OPHN1: variants seen among roughly 807,000 people sequenced by gnomAD.
OPHN1 encodes oligophrenin-1.
In OPHN1, 11 loss-of-function variants were observed where a neutral mutation model predicts 60.7. The observed-to-expected ratio is 0.18, with a 90% CI of 0.11 to 0.30. The LOEUF (loss-of-function observed/expected upper bound fraction) is 0.30, where lower values mean the gene tolerates loss of function less well. OPHN1 is among the 10% of genes least tolerant of loss of function. The pLI is 1.00. For missense variants in OPHN1, 449 were observed against 611.0 expected, an observed-to-expected ratio of 0.73 and a Z score of 2.80; for synonymous variants, 226 against 222.6, an observed-to-expected ratio of 1.02 and a Z score of -0.14.
rs1334867405 is a variant in OPHN1 at position 68,246,689 on chromosome X, T to C, written c.385-12101A>G. On this transcript the variant is annotated intron_variant, in intron 5 of 24. Coordinates refer to ENST00000355520, the MANE Select transcript of OPHN1 (RefSeq NM_002547.3). ...AATAGGCGAAAATGGGTGCTCAAGA[T>C]ACACTTGCTAAATTAAAATATAATG... 3.6e-5 allele frequency among the ~76,000 whole-genome samples: 4 copies of C among 111,568 alleles called. No individual in the cohort carries two copies. The East Asian group carries it at 1.1e-3, about 31-fold the overall frequency.
chrX:68,398,853 G>C (rs2078698862), intron 2 of OPHN1, among the ~76,000 whole-genome samples: 1 of 110,826 alleles, frequency 9.0e-6, no homozygotes, highest in Non-Finnish European at 1.9e-5. Context: ...GGAGGCTGAG[G>C]CACGGGAATC....
At chrX:68,105,934 G>A (rs1203346545) in intron 18 of OPHN1, among the ~76,000 whole-genome samples, 1 of 110,390 alleles carries the variant, frequency 9.1e-6, no homozygotes, top group Non-Finnish European at 1.9e-5. Flanking sequence ...GGTCAAATGG[G>A]AAAAAGTTAA....
chrX:68,120,168 A>C (rs2077144775), intron 15 of OPHN1, among the ~76,000 whole-genome samples: 1 of 110,865 alleles, frequency 9.0e-6, no homozygotes, highest in African/African-American at 3.3e-5. Context: ...AGACCTCCCC[A>C]CCCATGACAC....
intron 3 of OPHN1, among the ~76,000 whole-genome samples, chrX:68,286,402 T>C (rs183321846): frequency 9.0e-6 from 1 of 111,495 alleles, no homozygotes. Flanking sequence ...GCCAGACAGT[T>C]TACAACTGTG....
intron 2 of OPHN1, among the ~76,000 whole-genome samples, chrX:68,366,067 C>T (rs1032957616): frequency 3.7e-5 from 4 of 109,108 alleles, no homozygotes; most frequent in Admixed American, 9.9e-5. Context: ...TGAGACATAA[C>T]AGAATAGTAT....
At chrX:68,081,198 C>CT (rs780827629) in intron 19 of OPHN1, among the ~76,000 whole-genome samples, 15 of 110,426 alleles carry the variant, frequency 1.4e-4, no homozygotes, top group Admixed American at 3.9e-4. Context: ...AATAATAGAA[C>CT]TTTTTTTTTC....
intron 4 of OPHN1, among the ~76,000 whole-genome samples, chrX:68,279,138 C>T: frequency 3.1e-5 from 1 of 32,307 alleles, no homozygotes; most frequent in Non-Finnish European, 5.2e-5. Context: ...TTTTTTTTGG[C>T]AGGGCCTTAC....
At chrX:68,145,074 T>C (rs1239322473) in intron 15 of OPHN1, among the ~76,000 whole-genome samples, 1 of 111,671 alleles carries the variant, frequency 9.0e-6, no homozygotes, top group Non-Finnish European at 1.9e-5. Context: ...ATGAAATAAT[T>C]AGATCTAATA....
chrX:68,158,899 A>G lies in OPHN1; in HGVS notation c.1276+34020T>C, dbSNP rs192210493. 1.3e-4 allele frequency among the ~76,000 whole-genome samples: 15 copies of G among 112,089 alleles called. No homozygotes were observed. In the Admixed American group the frequency reaches 1.4e-3, roughly 11 times the overall value. ...ACCCTAGGAAAAGTAATCTGAGAAT[A>G]CTAGGCCCCAATCAGCCCTGCTCCA... is the stretch of plus-strand genomic sequence containing the variant. On this transcript the variant is annotated intron_variant, in intron 15 of 24. Transcript: ENST00000355520.
chrX:68,242,214 C>CAAAA (rs753856136), intron 5 of OPHN1, among the ~76,000 whole-genome samples: 36 of 23,885 alleles, frequency 1.5e-3, no homozygotes, highest in African/African-American at 3.4e-3. Context: ...CCCATCTCTA[C>CAAAA]AAAAAAAAAA....
At chrX:68,146,793 T>C (rs1257709813) in intron 15 of OPHN1, among the ~76,000 whole-genome samples, 1 of 112,045 alleles carries the variant, frequency 8.9e-6, no homozygotes, top group Non-Finnish European at 1.9e-5. Flanking sequence ...TACCTCAAAC[T>C]ATCTTTGCAG....
intron 5 of OPHN1, among the ~76,000 whole-genome samples, chrX:68,255,017 GAAAA>G (rs748466618): frequency 9.1e-5 from 3 of 32,930 alleles, no homozygotes; most frequent in Non-Finnish European, 7.0e-5. Context: ...TCTGCCTCAA[GAAAA>G]AAAAAAAAAA....
intron 15 of OPHN1, among the ~76,000 whole-genome samples, chrX:68,183,052 T>G (rs779014645): frequency 8.9e-6 from 1 of 111,953 alleles, no homozygotes; most frequent in South Asian, 3.8e-4. Context: ...CAGAGGGACA[T>G]GGAAAATACA....
intron 5 of OPHN1, among the ~76,000 whole-genome samples, chrX:68,268,860 A>G (rs1305995397): frequency 1.8e-5 from 2 of 111,823 alleles, no homozygotes; most frequent in African/African-American, 6.5e-5. Flanking sequence ...TTAGCCCAAA[A>G]TCTCCTTTAG....
At chrX:68,287,598 A>C (rs751138947) in intron 3 of OPHN1, among the ~76,000 whole-genome samples, 43 of 112,180 alleles carry the variant, frequency 3.8e-4, no homozygotes, top group African/African-American at 1.3e-3. Flanking sequence ...ATTTTGAGTA[A>C]CTTCACACCC....
At chrX:68,210,003 TTTG>T in intron 9 of OPHN1, 147 bp downstream of exon 9, 2 of 555,265 alleles carry the variant, frequency 3.6e-6, no homozygotes, top group African/African-American at 2.3e-5. Context: ...TTTTTTTTTT[TTTG>T]TTTTCAGTAT....
At chrX:68,246,953 T>C (rs2077809016) in intron 5 of OPHN1, among the ~76,000 whole-genome samples, 1 of 111,529 alleles carries the variant, frequency 9.0e-6, no homozygotes, top group Non-Finnish European at 1.9e-5. Flanking sequence ...ATTTACTACA[T>C]TCCCCTGCTG....
At chrX:68,121,428 G>A (rs146932315) in intron 15 of OPHN1, among the ~76,000 whole-genome samples, 32 of 111,830 alleles carry the variant, frequency 2.9e-4, no homozygotes, top group African/African-American at 9.1e-4. Context: ...ATTGAACTCC[G>A]TGCTACCCTG....
chrX:68,075,154 A>G (rs974683294), intron 19 of OPHN1, among the ~76,000 whole-genome samples: 3 of 112,338 alleles, frequency 2.7e-5, no homozygotes, highest in Non-Finnish European at 5.6e-5. Context: ...GGTCAGCCCT[A>G]TGAGTTTCCC....
Sources: allele counts gnomAD v4.1 joint callset (sites outside exome capture counted in the v4.1 genomes callset), GRCh38; gene constraint gnomAD v4.1.1; transcripts MANE v1.5; gene names NCBI Gene and HGNC (gene_info 2026-07-23, HGNC 2026-07-21).